The following POLQ variants were observed in gnomAD, a reference collection of about 807,000 sequenced individuals.
POLQ encodes the protein epididymis secretory sperm binding protein.
POLQ carries 233 observed loss-of-function variants against 259.2 expected under a neutral mutation model. The observed-to-expected ratio is 0.90, with a 90% CI of 0.81 to 1.00. The LOEUF (loss-of-function observed/expected upper bound fraction) is 1.00. Ranked by LOEUF, POLQ falls within the 50% of genes least tolerant of loss-of-function variation. The pLI is 0.00. For missense variants in POLQ, 2,871 were observed against 3,051.6 expected (o/e 0.94, Z 1.39); for synonymous variants, 1,025 against 1,048.8 (o/e 0.98, Z 0.44).
At chr3:121,494,534 G>A (rs760119943) in intron 14 of POLQ, 132 of 1,579,582 alleles carry the variant, frequency 8.4e-5, no homozygotes, top group African/African-American at 1.2e-4. Context: ...AGTTAACACC[G>A]TCACCACCTT....
At chr3:121,497,867 T>C (rs762580748) in intron 13 of POLQ, among the ~76,000 whole-genome samples, 1 of 152,222 alleles carries the variant, frequency 6.6e-6, no homozygotes, top group Non-Finnish European at 1.5e-5. Flanking sequence ...CCAGGTGAAG[T>C]CACAGTAAGT....
chr3:121,530,201 T>C (rs2048401366), intron 6 of POLQ, among the ~76,000 whole-genome samples: 1 of 152,208 alleles, frequency 6.6e-6, no homozygotes, highest in Non-Finnish European at 1.5e-5. Context: ...ATGCACTCAA[T>C]AGAAACCATA....
At chr3:121,515,338 A>G (rs140388138) in intron 9 of POLQ, among the ~76,000 whole-genome samples, 12 of 152,182 alleles carry the variant, frequency 7.9e-5, no homozygotes, top group African/African-American at 2.9e-4. Flanking sequence ...ATGCATTTCC[A>G]CTGAGCATAG....
intron 7 of POLQ, among the ~76,000 whole-genome samples, chr3:121,527,129 C>G (rs2048379386): frequency 6.6e-6 from 1 of 152,084 alleles, no homozygotes; most frequent in Non-Finnish European, 1.5e-5. Context: ...GGCACGATCT[C>G]GGCTCACTGC....
intron 25 of POLQ, among the ~76,000 whole-genome samples, chr3:121,459,371 T>G (rs867530613): frequency 1.4e-4 from 15 of 108,878 alleles, no homozygotes; most frequent in African/African-American, 7.2e-4. Context: ...CTAGAAAGAT[T>G]TTTTTTTTTT....
Position 121,488,471 on chromosome 3 carries a change from T to C in POLQ, c.4460A>G (p.Asp1487Gly), listed in dbSNP as rs773734030. The change falls in exon 16 of 30, where the codon GAT becomes GGT. Residue 1487 changes from aspartate to glycine, a missense_variant. This residue lies in a region of POLQ where 2,080 missense variants were observed against 2,126.0 expected (regional missense o/e 0.98). Transcript: ENST00000264233. Reference protein sequence around the residue: ...PVPETSLNMSDSLLFDSFSDD... With the variant: ...PVPETSLNMSGSLLFDSFSDD... The stretch of plus-strand genomic sequence containing the variant: ...ACTGAAGCTATCAAATAGTAAACTA[T>C]CACTCATATTCAAACTTGTTTCAGG... 1 of 1,608,510 alleles carries C rather than the reference T, an allele frequency of 6.2e-7. No individual in the cohort carries two copies. Among genetic ancestry groups the C allele is most frequent in the Non-Finnish European group, 8.5e-7 (1 of 1,177,798 alleles).
At chr3:121,454,780 A>C (rs2108780890) in intron 25 of POLQ, among the ~76,000 whole-genome samples, 1 of 152,294 alleles carries the variant, frequency 6.6e-6, no homozygotes. Flanking sequence ...CACAATAATA[A>C]TGGGAGACTT....
chr3:121,477,306 C>T (rs2047935165), intron 19 of POLQ, among the ~76,000 whole-genome samples: 1 of 152,190 alleles, frequency 6.6e-6, no homozygotes, highest in African/African-American at 2.4e-5. Context: ...CCTTTGCTTT[C>T]TGATGGTTCA....
At chr3:121,443,755 G>T (rs772590318) in intron 26 of POLQ, among the ~76,000 whole-genome samples, 4 of 152,018 alleles carry the variant, frequency 2.6e-5, no homozygotes, top group African/African-American at 7.2e-5. Flanking sequence ...AATCCATTTT[G>T]ATTTTATTTT....
intron 9 of POLQ, among the ~76,000 whole-genome samples, chr3:121,517,650 A>G (rs2048307708): frequency 6.6e-6 from 1 of 152,242 alleles, no homozygotes. Context: ...CAGCGGCCTT[A>G]AAGGGCAGGG....
chr3:121,432,423 G>GAA lies in POLQ; in HGVS notation c.7660-8_7660-7dup, dbSNP rs3836217. ...TTCTTGACAATCTGAGCTACCTAAGGAAAAAAAAAATGTAGTTAACAAACT... is the reference window on the plus strand; with the variant it reads ...TTCTTGACAATCTGAGCTACCTAAGGAAAAAAAAAAAATGTAGTTAACAAACT... On this transcript the variant is annotated splice_polypyrimidine_tract_variant and splice_region_variant and intron_variant, in intron 29 of 29. Transcript: ENST00000264233. 20 of 1,460,476 alleles carry GAA rather than the reference G, an allele frequency of 1.4e-5. No homozygotes were observed. The highest frequency in any genetic ancestry group is 5.0e-5 in the East Asian group (2 of 40,246). The allele number at this position is 1,460,476 out of a possible 1,614,324, so 90.5% of individuals were successfully genotyped here.
intron 19 of POLQ, among the ~76,000 whole-genome samples, chr3:121,478,978 TC>T (rs1253089550): frequency 9.9e-5 from 15 of 152,186 alleles, no homozygotes; most frequent in African/African-American, 3.4e-4. Context: ...GAGTACACAT[TC>T]TTTTGTGTGC....
chr3:121,531,800 A>G (rs1381470927), intron 6 of POLQ, among the ~76,000 whole-genome samples: 1 of 152,260 alleles, frequency 6.6e-6, no homozygotes, highest in Non-Finnish European at 1.5e-5. Context: ...ACATAAATGT[A>G]TTGAAGTAAC....
At chr3:121,443,105 C>G (rs560887782) in intron 26 of POLQ, among the ~76,000 whole-genome samples, 46 of 152,242 alleles carry the variant, frequency 3.0e-4, no homozygotes, top group Non-Finnish European at 5.9e-4. Flanking sequence ...ATCCACCCGC[C>G]TCAGCCTCCC....
chr3:121,472,075 G>C lies in POLQ; in HGVS notation c.6633C>G (p.Val2211=). 1 of 1,584,238 alleles carries C rather than the reference G, an allele frequency of 6.3e-7. No homozygotes were observed. The highest frequency in any genetic ancestry group is 2.2e-5 in the East Asian group (1 of 44,636). ...RRITNAITKV[V]FPLQREKCLN... is the part of the protein sequence containing the mutation. Reference sequence around the variant, plus strand: ...GACACTTTTCCCGCTGAAGGGGAAAGACCACTTTGGTAATAGCATTAGTGA... The same window carrying C: ...GACACTTTTCCCGCTGAAGGGGAAACACCACTTTGGTAATAGCATTAGTGA... Residue 2211 remains valine (V), a synonymous_variant, in exon 22 of 30, where the codon GTC becomes GTG. Transcript: ENST00000264233.
At chr3:121,455,915 G>C (rs2047732244) in intron 25 of POLQ, among the ~76,000 whole-genome samples, 1 of 77,418 alleles carries the variant, frequency 1.3e-5, no homozygotes, top group Admixed American at 1.4e-4. Context: ...ACCAAAGCCT[G>C]GCAGAGACAA....
intron 9 of POLQ, among the ~76,000 whole-genome samples, chr3:121,512,879 T>C (rs976955457): frequency 4.6e-5 from 7 of 152,218 alleles, no homozygotes; most frequent in African/African-American, 1.4e-4. Context: ...TCAAAAATAC[T>C]TGTAGATACC....
chr3:121,504,085 C>A (rs1322571099), intron 12 of POLQ, among the ~76,000 whole-genome samples: 1 of 152,022 alleles, frequency 6.6e-6, no homozygotes, highest in Non-Finnish European at 1.5e-5. Context: ...CCAGGCTGGT[C>A]TCGAACACCT....
chr3:121,444,672 G>A (rs968013485), intron 26 of POLQ, among the ~76,000 whole-genome samples: 5 of 152,034 alleles, frequency 3.3e-5, no homozygotes, highest in African/African-American at 9.7e-5. Flanking sequence ...CATCCTTGTC[G>A]TGTTCCAGGT....
Sources: gnomAD v4.1 joint callset for allele counts (sites outside exome capture counted in the v4.1 genomes callset) on GRCh38, gnomAD v4.1.1 for gene constraint, gnomAD v4.1.1 regional missense constraint, MANE v1.5 for transcripts, NCBI Gene and HGNC (gene_info 2026-07-23, HGNC 2026-07-21) for gene names.